Variants in CA10 observed in about 807,000 individuals in gnomAD.
The protein encoded by CA10 is carbonic anhydrase-related protein 10.
CA10 carries 14 observed loss-of-function variants against 44.2 expected under a neutral mutation model. That is an observed-to-expected ratio of 0.32 (90% CI 0.21 to 0.50). CA10 has a LOEUF of 0.50. Ranked by LOEUF, CA10 falls within the 20% of genes least tolerant of loss-of-function variation. The probability of loss-of-function intolerance (pLI) is 0.99; values close to 1 mark genes in which losing one functional copy is unlikely to be tolerated. For synonymous variants in CA10, 159 were observed against 141.6 expected (o/e 1.12, Z -0.87); for missense variants, 350 against 409.7 (o/e 0.85, Z 1.26).
chr17:52,130,762 A>C (rs886756905), intron 1 of CA10, among the ~76,000 whole-genome samples: 1 of 151,894 alleles, frequency 6.6e-6, no homozygotes, highest in Non-Finnish European at 1.5e-5. Context: ...CAGTGGCACT[A>C]TCATAGTTCA....
chr17:51,687,867 A>G (rs181905801), intron 4 of CA10, among the ~76,000 whole-genome samples: 1 of 152,370 alleles, frequency 6.6e-6, no homozygotes, highest in Admixed American at 6.5e-5. Context: ...TGTGGTATCC[A>G]GCCTTCAAGA....
chr17:51,652,457 G>A (rs150882060), intron 5 of CA10, among the ~76,000 whole-genome samples: 151 of 152,310 alleles, frequency 9.9e-4, no homozygotes, highest in African/African-American at 3.5e-3. Context: ...ATGCTTCCCT[G>A]GCCAAATGTC....
chr17:51,926,870 A>G (rs115947157), intron 3 of CA10, among the ~76,000 whole-genome samples: 340 of 152,318 alleles, frequency 2.2e-3, no homozygotes, highest in African/African-American at 7.7e-3. Context: ...AGATGTGGAC[A>G]TTTTTGGAAG....
At chr17:51,710,865 A>G (rs1169925141) in intron 4 of CA10, among the ~76,000 whole-genome samples, 1 of 151,006 alleles carries the variant, frequency 6.6e-6, no homozygotes, top group African/African-American at 2.4e-5. Context: ...AGTTCATGCA[A>G]TCATGGGACC....
At chr17:51,751,995 A>G (rs1174514725) in intron 3 of CA10, among the ~76,000 whole-genome samples, 1 of 152,146 alleles carries the variant, frequency 6.6e-6, no homozygotes, top group East Asian at 1.9e-4. Flanking sequence ...CTCACACTCC[A>G]TTATGGAGAG....
intron 2 of CA10, among the ~76,000 whole-genome samples, chr17:52,040,698 G>A (rs554998880): frequency 2.0e-5 from 3 of 152,008 alleles, no homozygotes; most frequent in Non-Finnish European, 4.4e-5. Context: ...AACCCAAACC[G>A]AATCCAGTAG....
chr17:51,834,980 G>A (rs539756227), intron 3 of CA10, among the ~76,000 whole-genome samples: 1 of 152,282 alleles, frequency 6.6e-6, no homozygotes, highest in African/African-American at 2.4e-5. Context: ...GATATAGTGT[G>A]AGGTTGTGCT....
intron 1 of CA10, among the ~76,000 whole-genome samples, chr17:52,147,630 T>G (rs909862348): frequency 1.3e-5 from 2 of 152,198 alleles, no homozygotes; most frequent in Non-Finnish European, 2.9e-5. Context: ...GAATGAAACT[T>G]GTTACAGAAA....
chr17:51,963,189 T>C (rs541314596), intron 2 of CA10, among the ~76,000 whole-genome samples: 3 of 152,224 alleles, frequency 2.0e-5, no homozygotes, highest in East Asian at 3.9e-4. Context: ...ACTAGTCTTT[T>C]GAACTAACCC....
chr17:51,928,773 T>G lies in CA10; in HGVS notation c.279+2217A>C, dbSNP rs150941956. On this transcript the variant is annotated intron_variant, in intron 3 of 8. Coordinates refer to ENST00000451037, the MANE Select transcript of CA10 (RefSeq NM_020178.5). ...ACAAAAATCAGAGCAGTGATTTGAA[T>G]TCTCACTTTCAAAACAAGTTTCCAA... is the stretch of plus-strand genomic sequence containing the variant. 5.3e-3 allele frequency among the ~76,000 whole-genome samples: 806 copies of G among 152,316 alleles called. 6 individuals are homozygous for G. The highest frequency in any genetic ancestry group is 8.4e-3 in the Non-Finnish European group (572 of 68,016).
intron 2 of CA10, among the ~76,000 whole-genome samples, chr17:52,054,271 T>A (rs1220915729): frequency 1.3e-5 from 2 of 152,140 alleles, no homozygotes; most frequent in African/African-American, 4.8e-5. Context: ...AGCTGTCTTT[T>A]ACGGTCGTAC....
rs575134339 is a variant in CA10, at chr17:51,770,227, G to A, written c.280-22409C>T. Among the ~76,000 whole-genome samples the A allele has an allele frequency of 1.5e-3, 203 of 137,910 alleles. 1 individual carries two copies. The highest frequency in any genetic ancestry group is 5.0e-3 in the African/African-American group (187 of 37,350). 90.5% of individuals were successfully genotyped at this position (137,910 alleles called of 152,430 possible). On this transcript the variant is annotated intron_variant, in intron 3 of 8. Coordinates refer to ENST00000451037, the MANE Select transcript of CA10 (RefSeq NM_020178.5). ...AAAATGCATTCCTGACACCCTCCCC[G>A]CCCCGCCCAGAAATAAAAAGCTTTC...
chr17:51,661,303 AG>A (rs1291211888), intron 4 of CA10, among the ~76,000 whole-genome samples: 25 of 152,222 alleles, frequency 1.6e-4, no homozygotes, highest in Admixed American at 1.6e-3. Context: ...CCCAAGGGAC[AG>A]AGAGAACAAG....
At chr17:51,959,438 T>C (rs1305178300) in intron 2 of CA10, among the ~76,000 whole-genome samples, 1 of 151,920 alleles carries the variant, frequency 6.6e-6, no homozygotes, top group Non-Finnish European at 1.5e-5. Flanking sequence ...CCCTGCCATT[T>C]ATGACAGAAG....
chr17:51,747,742 C>T lies in CA10; in HGVS notation c.356G>A (p.Gly119Glu). The T allele has an allele frequency of 6.2e-7, 1 of 1,614,168 alleles. No individual in the cohort carries two copies. The highest frequency in any genetic ancestry group is 8.5e-7 in the Non-Finnish European group (1 of 1,179,994). Residue 119 changes from glycine to glutamate, a missense_variant, in exon 4 of 9, where the codon GGA becomes GAA. By Grantham distance (98) the Gly-to-Glu change is moderately conservative. Coordinates refer to ENST00000451037, the MANE Select transcript of CA10 (RefSeq NM_020178.5). Reference protein sequence around the residue: ...LDKEHLVNISGGPMTYSHRLE... With the variant: ...LDKEHLVNISEGPMTYSHRLE... ...CCGGTGGCTGTATGTCATGGGCCCT[C>T]CAGATATGTTGACCAAGTGCTCCTT...
chr17:51,944,848 C>A (rs1006931431), intron 2 of CA10, among the ~76,000 whole-genome samples: 7 of 152,154 alleles, frequency 4.6e-5, no homozygotes, highest in African/African-American at 1.7e-4. Flanking sequence ...GATTTTAACA[C>A]TACAGAGAAT....
intron 4 of CA10, among the ~76,000 whole-genome samples, chr17:51,679,451 T>C (rs181304778): frequency 2.3e-3 from 355 of 151,882 alleles, no homozygotes; most frequent in African/African-American, 4.4e-3. Flanking sequence ...TTAGTAGAGA[T>C]GGGGTTTCAC....
At chr17:51,909,138 C>T (rs1007707225) in intron 3 of CA10, among the ~76,000 whole-genome samples, 1 of 152,120 alleles carries the variant, frequency 6.6e-6, no homozygotes, top group Admixed American at 6.6e-5. Context: ...AATGTGCAGG[C>T]ACTTCCTCGT....
chr17:51,778,078 G>A (rs1265815764), intron 3 of CA10, among the ~76,000 whole-genome samples: 6 of 152,254 alleles, frequency 3.9e-5, no homozygotes, highest in Admixed American at 6.5e-5. Context: ...TTTGCTCTCC[G>A]AGTCCAAGTA....
Sources: allele counts gnomAD v4.1 joint callset (sites outside exome capture counted in the v4.1 genomes callset), GRCh38; gene constraint gnomAD v4.1.1; transcripts MANE v1.5; gene names NCBI Gene and HGNC (gene_info 2026-07-23, HGNC 2026-07-21).